STPG2: variants seen among roughly 807,000 people sequenced by gnomAD.
STPG2 encodes sperm tail PG-rich repeat containing 2.
In STPG2, 56 loss-of-function variants were observed where a neutral mutation model predicts 54.2. The observed-to-expected ratio is 1.03, with a 90% CI of 0.83 to 1.29. The LOEUF (loss-of-function observed/expected upper bound fraction) is 1.29. Among genes scored for constraint, STPG2 ranks in the 50% most tolerant of loss-of-function variants. STPG2 has a pLI of 0.00. For synonymous variants in STPG2, 200 were observed against 181.8 expected (o/e 1.10, Z -0.81); for missense variants, 596 against 544.9 (o/e 1.09, Z -0.93).
intron 10 of STPG2, among the ~76,000 whole-genome samples, chr4:97,579,198 G>C (rs2148889596): frequency 6.6e-6 from 1 of 152,102 alleles, no homozygotes; most frequent in South Asian, 2.1e-4. Context: ...ATCTAAGTGT[G>C]TTCAATGTTG....
chr4:98,025,898 T>C, intron 5 of STPG2: 2 of 1,576,802 alleles, frequency 1.3e-6, no homozygotes, highest in Non-Finnish European at 1.7e-6. Context: ...TGGAGGCTTG[T>C]CTATCCCTCA....
At chr4:97,671,475 C>A (rs1208216522) in intron 10 of STPG2, among the ~76,000 whole-genome samples, 1 of 152,160 alleles carries the variant, frequency 6.6e-6, no homozygotes, top group Non-Finnish European at 1.5e-5. Flanking sequence ...CTTTTAGCAA[C>A]AAATTATGCA....
At chr4:97,887,254 A>G (rs925356737) in intron 8 of STPG2, among the ~76,000 whole-genome samples, 2 of 152,226 alleles carry the variant, frequency 1.3e-5, no homozygotes, top group Non-Finnish European at 2.9e-5. Flanking sequence ...AGGGCTCACA[A>G]GGAGACAGGA....
chr4:97,452,493 C>T (rs938990541), intron 4 of STPG2, among the ~76,000 whole-genome samples: 1 of 152,124 alleles, frequency 6.6e-6, no homozygotes, highest in African/African-American at 2.4e-5. Flanking sequence ...CCCATGGCTG[C>T]CCATGGACCA....
At chr4:97,798,300 A>G (rs1219296569) in intron 9 of STPG2, among the ~76,000 whole-genome samples, 7 of 151,356 alleles carry the variant, frequency 4.6e-5, no homozygotes, top group East Asian at 1.9e-4. Context: ...GATCTTTCCT[A>G]CTTTCTCATG....
chr4:97,494,953 T>C (rs1213869782), intron 4 of STPG2, among the ~76,000 whole-genome samples: 2 of 151,296 alleles, frequency 1.3e-5, no homozygotes, highest in Non-Finnish European at 3.0e-5. Flanking sequence ...CTATTGCTGA[T>C]AAAAGAAAAA....
At chr4:97,566,189 A>G (rs1046262393) in intron 10 of STPG2, among the ~76,000 whole-genome samples, 2 of 152,080 alleles carry the variant, frequency 1.3e-5, no homozygotes, top group African/African-American at 4.8e-5. Flanking sequence ...TTGATCTCAG[A>G]CTGCTGTGCT....
At chr4:97,565,653 A>G (rs1015232241) in intron 10 of STPG2, among the ~76,000 whole-genome samples, 2 of 152,174 alleles carry the variant, frequency 1.3e-5, no homozygotes, top group Non-Finnish European at 2.9e-5. Context: ...CTTCTAACAG[A>G]CAGGATCCTC....
chr4:97,905,848 C>T (rs34318449), intron 8 of STPG2, among the ~76,000 whole-genome samples: 56,654 of 151,842 alleles, frequency 0.37, 10,646 homozygotes, highest in Middle Eastern at 0.46. Flanking sequence ...ACCAGAATCT[C>T]TGGGACGCAT....
chr4:97,527,412 T>G (rs546305909), intron 4 of STPG2, among the ~76,000 whole-genome samples: 63 of 152,320 alleles, frequency 4.1e-4, no homozygotes, highest in Admixed American at 1.7e-3. Flanking sequence ...GATGGGCATT[T>G]GGGTTCATTC....
intron 4 of STPG2, among the ~76,000 whole-genome samples, chr4:97,515,635 C>G (rs17026744): frequency 0.037 from 5,669 of 151,864 alleles, 241 homozygotes; most frequent in African/African-American, 0.11. Flanking sequence ...TTAAAGTAAT[C>G]TTAAGGTGTG....
intron 10 of STPG2, among the ~76,000 whole-genome samples, chr4:97,575,082 T>C (rs532677742): frequency 6.6e-6 from 1 of 151,884 alleles, no homozygotes; most frequent in Non-Finnish European, 1.5e-5. Context: ...CCAGATTGAA[T>C]CACGAAGAAA....
chr4:97,555,418 C>A (rs1732057217), downstream of STPG2, among the ~76,000 whole-genome samples: 1 of 152,078 alleles, frequency 6.6e-6, no homozygotes, highest in Non-Finnish European at 1.5e-5. Context: ...TGTGATCCTA[C>A]TGAAGATACC....
intron 5 of STPG2, among the ~76,000 whole-genome samples, chr4:98,086,664 C>A (rs1015429278): frequency 2.1e-4 from 8 of 38,284 alleles, no homozygotes; most frequent in Non-Finnish European, 3.2e-4. Flanking sequence ...AGATGCATGC[C>A]AGAAAAAAAA....
At chr4:98,130,920 T>TTA (rs1739971391) in intron 2 of STPG2, among the ~76,000 whole-genome samples, 1 of 37,146 alleles carries the variant, frequency 2.7e-5, no homozygotes, top group Admixed American at 3.3e-4. Flanking sequence ...AGACTCCGTC[T>TTA]CAAAAAAAAA....
intron 10 of STPG2, among the ~76,000 whole-genome samples, chr4:97,614,809 C>A (rs1390698078): frequency 6.6e-6 from 1 of 152,104 alleles, no homozygotes; most frequent in Non-Finnish European, 1.5e-5. Context: ...AGTTTTGATA[C>A]CCATAACATG....
chr4:97,561,665 C>T (rs547981562), intron 10 of STPG2, among the ~76,000 whole-genome samples: 1 of 152,002 alleles, frequency 6.6e-6, no homozygotes, highest in Non-Finnish European at 1.5e-5. Context: ...ATATGGCTAG[C>T]CAGTTTTCCC....
intron 5 of STPG2, among the ~76,000 whole-genome samples, chr4:98,055,723 A>G (rs1737460954): frequency 6.6e-6 from 1 of 152,166 alleles, no homozygotes; most frequent in Non-Finnish European, 1.5e-5. Flanking sequence ...ATTTGCTCCC[A>G]TAAGAGACTT....
At chr4:97,506,019 C>CA (rs59206485) in intron 4 of STPG2, among the ~76,000 whole-genome samples, 1,292 of 16,868 alleles carry the variant, frequency 0.077, 178 homozygotes, top group African/African-American at 0.16. Context: ...AATAGGAGAC[C>CA]AAAAAAAAAA....
Sources: allele counts gnomAD v4.1 joint callset (sites outside exome capture counted in the v4.1 genomes callset), GRCh38; gene constraint gnomAD v4.1.1; transcripts MANE v1.5; gene names NCBI Gene and HGNC (gene_info 2026-07-23, HGNC 2026-07-21).